ASCC3: variants seen among roughly 807,000 people sequenced by gnomAD.
ASCC3 encodes activating signal cointegrator 1 complex subunit 3, also known as ASC-1 complex subunit P200.
Under a neutral mutation model 256.3 loss-of-function variants are expected in ASCC3, and 158 were observed. The observed-to-expected ratio is 0.62, with a 90% confidence interval of 0.54 to 0.70. The LOEUF is 0.70. ASCC3 is among the 30% of genes least tolerant of loss of function. The pLI is 0.00. For missense variants in ASCC3, 2,259 were observed against 2,626.0 expected, an observed-to-expected ratio of 0.86 and a Z score of 3.05; for synonymous variants, 948 against 883.4, an observed-to-expected ratio of 1.07 and a Z score of -1.30.
At chr6:100,815,608 C>T (rs12525818) in intron 4 of ASCC3, among the ~76,000 whole-genome samples, 52,517 of 151,716 alleles carry the variant, frequency 0.35, 10,744 homozygotes, top group Middle Eastern at 0.52. Context: ...CAGAAATAGG[C>T]CCACAGACCC....
intron 11 of ASCC3, among the ~76,000 whole-genome samples, chr6:100,722,173 T>C (rs1779373086): frequency 6.6e-6 from 1 of 151,884 alleles, no homozygotes. Context: ...GAGTTTTCTA[T>C]TCTGTTCCAT....
intron 37 of ASCC3, chr6:100,530,337 C>G (rs1197821914): frequency 5.6e-6 from 8 of 1,421,278 alleles, no homozygotes; most frequent in Non-Finnish European, 8.0e-6. Context: ...TTCACACAAT[C>G]TAGTGAAAAA....
At chr6:100,874,480 A>C (rs757660760) in intron 1 of ASCC3, among the ~76,000 whole-genome samples, 4 of 151,284 alleles carry the variant, frequency 2.6e-5, no homozygotes, top group South Asian at 2.1e-4. Context: ...AAAAAAAAAA[A>C]AAAAAACAAC....
chr6:100,877,443 CT>C lies in ASCC3; in HGVS notation c.-42+3617del, dbSNP rs570157237. 5.1e-4 allele frequency among the ~76,000 whole-genome samples: 77 copies of C among 151,992 alleles called. No homozygotes were observed. In the Middle Eastern group the frequency reaches 0.01, roughly 20 times the overall value. On this transcript the variant is annotated intron_variant, in intron 1 of 41. Coordinates refer to ENST00000369162, the MANE Select transcript of ASCC3 (RefSeq NM_006828.4). ...TAAGAATATTTATATTTTATTGTGC[CT>C]TTTTTAAAAATTGAGTTGTGATATT...
At chr6:100,568,092 G>A (rs1330174647) in intron 36 of ASCC3, among the ~76,000 whole-genome samples, 1 of 151,960 alleles carries the variant, frequency 6.6e-6, no homozygotes, top group Non-Finnish European at 1.5e-5. Context: ...TCTGGGCTGG[G>A]CGTCTTGGCT....
chr6:100,715,408 A>C (rs781106360), intron 13 of ASCC3, 54 bp downstream of exon 13: 1 of 1,457,080 alleles, frequency 6.9e-7, no homozygotes, highest in African/African-American at 1.4e-5. Flanking sequence ...TTTTATCATT[A>C]AGCACTCTCT....
chr6:100,596,447 T>C (rs1430904771), intron 34 of ASCC3, among the ~76,000 whole-genome samples: 1 of 152,220 alleles, frequency 6.6e-6, no homozygotes, highest in Non-Finnish European at 1.5e-5. Context: ...TTTAATTGAA[T>C]TTCAGTTTTT....
chr6:100,695,822 A>T (rs1452433834), intron 13 of ASCC3, among the ~76,000 whole-genome samples: 2 of 152,152 alleles, frequency 1.3e-5, no homozygotes, highest in African/African-American at 4.8e-5. Flanking sequence ...GGTGCAACCC[A>T]TGCACATGCA....
At chr6:100,652,385 T>C (rs1024392333) in intron 18 of ASCC3, among the ~76,000 whole-genome samples, 3 of 152,150 alleles carry the variant, frequency 2.0e-5, no homozygotes, top group Non-Finnish European at 4.4e-5. Flanking sequence ...TAAAGTGCTA[T>C]ACAAATAGAA....
intron 36 of ASCC3, among the ~76,000 whole-genome samples, chr6:100,542,638 C>T (rs572570179): frequency 4.0e-5 from 6 of 151,164 alleles, no homozygotes; most frequent in East Asian, 3.9e-4. Flanking sequence ...GCCGAGATGG[C>T]GCCACTGCAC....
intron 4 of ASCC3, among the ~76,000 whole-genome samples, chr6:100,832,086 T>C (rs1160824011): frequency 6.6e-6 from 1 of 151,976 alleles, no homozygotes; most frequent in Non-Finnish European, 1.5e-5. Flanking sequence ...TTCCAATATA[T>C]CTCTGATAGG....
chr6:100,559,547 G>T (rs1259125868), intron 36 of ASCC3, among the ~76,000 whole-genome samples: 2 of 152,066 alleles, frequency 1.3e-5, no homozygotes, highest in African/African-American at 4.8e-5. Context: ...ATAGTCATTG[G>T]ACGTATAAAT....
At chr6:100,730,040 C>T (rs1779826426) in intron 10 of ASCC3, among the ~76,000 whole-genome samples, 1 of 151,970 alleles carries the variant, frequency 6.6e-6, no homozygotes, top group Non-Finnish European at 1.5e-5. Context: ...TGCAGTGGCT[C>T]ACACCTATAA....
At chr6:100,858,245 A>G (rs1427272511) in intron 3 of ASCC3, 1 of 535,822 alleles carries the variant, frequency 1.9e-6, no homozygotes, top group Non-Finnish European at 2.4e-6. Context: ...TAACCTTGTT[A>G]AATTCATTTT....
chr6:100,850,965 C>G (rs1772637005), intron 3 of ASCC3, among the ~76,000 whole-genome samples: 1 of 152,112 alleles, frequency 6.6e-6, no homozygotes, highest in Non-Finnish European at 1.5e-5. Flanking sequence ...CAAACATTAT[C>G]TACCATTGTA....
intron 6 of ASCC3, among the ~76,000 whole-genome samples, chr6:100,800,098 G>A (rs1026930884): frequency 1.3e-5 from 2 of 151,870 alleles, no homozygotes; most frequent in Admixed American, 6.6e-5. Flanking sequence ...ACCTGGATGC[G>A]ACCAAGAATA....
intron 4 of ASCC3, among the ~76,000 whole-genome samples, chr6:100,817,825 A>C (rs1394627676): frequency 1.3e-5 from 2 of 152,164 alleles, no homozygotes; most frequent in African/African-American, 4.8e-5. Flanking sequence ...TCACAGTTGA[A>C]TTCCACTAAA....
chr6:100,765,463 CT>C (rs992999070), intron 10 of ASCC3, among the ~76,000 whole-genome samples: 3 of 152,102 alleles, frequency 2.0e-5, no homozygotes, highest in Non-Finnish European at 4.4e-5. Flanking sequence ...ATGATAAAAC[CT>C]TGGTCTCCAC....
chr6:100,581,769 A>AGGGTGTC (rs1771286147), intron 36 of ASCC3, among the ~76,000 whole-genome samples: 1 of 151,656 alleles, frequency 6.6e-6, no homozygotes, highest in African/African-American at 2.4e-5. Flanking sequence ...TATAAGGTGT[A>AGGGTGTC]AGGAAGGGAT....
Sources: allele counts gnomAD v4.1 joint callset (sites outside exome capture counted in the v4.1 genomes callset), GRCh38; gene constraint gnomAD v4.1.1; transcripts MANE v1.5; gene names NCBI Gene and HGNC (gene_info 2026-07-23, HGNC 2026-07-21).